The following REV3L variants were observed in gnomAD, a reference collection of about 807,000 sequenced individuals.
The protein encoded by REV3L is DNA polymerase zeta catalytic subunit.
Under a neutral mutation model 299.4 loss-of-function variants are expected in REV3L, and 69 were observed. The observed-to-expected ratio is 0.23, with a 90% CI of 0.19 to 0.28. The LOEUF (loss-of-function observed/expected upper bound fraction) is 0.28, where lower values mean the gene tolerates loss of function less well. Among genes scored for constraint, REV3L ranks in the 10% least tolerant of loss-of-function variants. REV3L has a pLI of 1.00. For synonymous variants in REV3L, 1,238 were observed against 1,271.4 expected (o/e 0.97, Z 0.56); for missense variants, 3,128 against 3,693.8 (o/e 0.85, Z 3.97).
intron 26 of REV3L, among the ~76,000 whole-genome samples, chr6:111,315,936 A>G (rs1773470608): frequency 6.6e-6 from 1 of 152,196 alleles, no homozygotes; most frequent in African/African-American, 2.4e-5. Flanking sequence ...CCCTGGTGCT[A>G]AAAAGGTTGG....
Position 111,358,966 on chromosome 6 carries a change from G to A in REV3L, c.6928C>T (p.Arg2310Ter). Reference protein sequence around the residue: ...ISVELHARTRRDLEPDPEFDP... With the variant: ...ISVELHARTR Reference sequence around the variant, plus strand: ...AATTCAGGATCCGGTTCTAAGTCTCGTCTAGTTCGAGCATGCAACTCCACA... The same window carrying A: ...AATTCAGGATCCGGTTCTAAGTCTCATCTAGTTCGAGCATGCAACTCCACA... Residue 2310 changes from arginine (R) to a stop codon, truncating the protein, a stop_gained, in exon 17 of 32, where the codon CGA becomes TGA. Transcript: ENST00000368802. LOFTEE classifies it high-confidence loss of function. 4 of 1,614,044 alleles carry A rather than the reference G, an allele frequency of 2.5e-6. No individual in the cohort carries two copies. Among genetic ancestry groups the A allele is most frequent in the Non-Finnish European group, 3.4e-6 (4 of 1,179,972 alleles).
intron 1 of REV3L, among the ~76,000 whole-genome samples, chr6:111,438,821 T>C (rs965839812): frequency 2.0e-5 from 3 of 152,088 alleles, no homozygotes; most frequent in Admixed American, 6.5e-5. Context: ...TGATAAATCA[T>C]AAAAATCCAA....
chr6:111,479,016 G>C (rs987879763), intron 1 of REV3L, among the ~76,000 whole-genome samples: 1 of 152,214 alleles, frequency 6.6e-6, no homozygotes, highest in Non-Finnish European at 1.5e-5. Context: ...TGAGGAAACT[G>C]TGAGAGCTGT....
intron 30 of REV3L, chr6:111,307,894 T>C (rs1249576553): frequency 1.3e-5 from 4 of 299,742 alleles, no homozygotes; most frequent in Non-Finnish European, 2.6e-5. Flanking sequence ...CATCAACTCA[T>C]CATTTACATT....
rs753074865 is a variant in REV3L, at chr6:111,372,707, G to T, written c.5648C>A (p.Ser1883Tyr). 1.4e-5 allele frequency: 23 copies of T among 1,608,252 alleles called. No individual in the cohort carries two copies. Among genetic ancestry groups the T allele is most frequent in the Admixed American group, 8.4e-5 (5 of 59,442 alleles). The change falls in exon 13 of 32, where the codon TCC (serine) becomes TAC (tyrosine). Residue 1883 changes from serine (S) to tyrosine (Y), a missense_variant. Physicochemically the swap from Ser to Tyr is moderately radical, Grantham distance 144. Around this residue, in one of 9 missense-constraint regions of REV3L, gnomAD observed 2,409 missense variants for 2,611.8 expected, o/e 0.92. Transcript: ENST00000368802. ...CATAATTTCTTCCCTACTTGGGGGGGACATAAGTGGTTTCAGAATGTTAGC... is the reference window on the plus strand; with the variant it reads ...CATAATTTCTTCCCTACTTGGGGGGTACATAAGTGGTTTCAGAATGTTAGC... ...RTANILKPLM[S>Y]PPSREEIMAT...
chr6:111,389,023 T>A (rs967941947), intron 7 of REV3L, 83 bp downstream of exon 7: 4 of 996,710 alleles, frequency 4.0e-6, no homozygotes, highest in Non-Finnish European at 4.6e-6. Flanking sequence ...TAAAATCTAA[T>A]GTCAAAGGAA....
At chr6:111,416,198 A>C in intron 2 of REV3L, 85 bp downstream of exon 2, 1 of 921,666 alleles carries the variant, frequency 1.1e-6, no homozygotes, top group South Asian at 3.0e-5. Context: ...AGTAAAAGAA[A>C]TAGAGTTTAT....
intron 1 of REV3L, among the ~76,000 whole-genome samples, chr6:111,421,020 C>T (rs1023217305): frequency 3.9e-5 from 6 of 151,950 alleles, no homozygotes; most frequent in African/African-American, 1.2e-4. Context: ...CCCAGACACT[C>T]GGGAGGCTGA....
At chr6:111,316,474 G>T (rs185477457) in intron 26 of REV3L, among the ~76,000 whole-genome samples, 5 of 151,756 alleles carry the variant, frequency 3.3e-5, no homozygotes, top group African/African-American at 4.8e-5. Context: ...GACCAGCCTG[G>T]CCAACATGGC....
chr6:111,307,778 CTTAATA>C (rs1475544472), intron 30 of REV3L: 2 of 556,082 alleles, frequency 3.6e-6, no homozygotes, highest in South Asian at 2.5e-5. Context: ...GAACTTACAT[CTTAATA>C]TTATCAGATA....
At position 111,357,110 on chromosome 6, in the gene REV3L, G is replaced by A. The variant is rs1396048678; in HGVS notation, c.7088C>T (p.Thr2363Ile). Residue 2363 changes from threonine (T) to isoleucine (I), a missense_variant, in exon 18 of 32, where the codon ACT (threonine) becomes ATT (isoleucine). This residue lies in a region of REV3L where 82 missense variants were observed against 142.7 expected (regional missense o/e 0.57). Coordinates refer to ENST00000368802, the MANE Select transcript of REV3L (RefSeq NM_001372078.1). ...AATTCCAGATCTAATAAGTAATGGA[G>A]TCTGATATCTGATATCTAAAAAACA... ...TVFSQDIRYQ[T>I]PLLIRSGITG... is the part of the protein sequence containing the mutation. The A allele has an allele frequency of 6.5e-7, 1 of 1,547,824 alleles. No individual in the cohort carries two copies. Among genetic ancestry groups the A allele is most frequent in the Non-Finnish European group, 8.8e-7 (1 of 1,139,736 alleles).
Position 111,335,567 on chromosome 6 carries a change from G to C in REV3L, c.7582C>G (p.Leu2528Val). Residue 2528 changes from leucine to valine, a missense_variant, in exon 22 of 32, where the codon CTC (leucine) becomes GTC (valine). Physicochemically the swap from Leu to Val is conservative, Grantham distance 32. Transcript: ENST00000368802. ...DHYVSRVRGNLQMLEQLDLIG... is the reference protein window; with the variant it reads ...DHYVSRVRGNVQMLEQLDLIG... ...AGGTCCAGCTGTTCTAACATTTGGAGATTTCCACGGACACGGCTAACATAA... is the reference window on the plus strand; with the variant it reads ...AGGTCCAGCTGTTCTAACATTTGGACATTTCCACGGACACGGCTAACATAA... 6.2e-7 allele frequency: 1 copy of C among 1,611,954 alleles called. No individual in the cohort carries two copies. The highest frequency in any genetic ancestry group is 8.5e-7 in the Non-Finnish European group (1 of 1,178,938).
intron 26 of REV3L, among the ~76,000 whole-genome samples, chr6:111,319,190 C>T (rs550783727): frequency 9.9e-5 from 15 of 152,146 alleles, no homozygotes; most frequent in African/African-American, 3.4e-4. Flanking sequence ...TGGCTGGGTG[C>T]GGTGGCTCAT....
chr6:111,453,174 C>A (rs1789754632), intron 1 of REV3L, among the ~76,000 whole-genome samples: 1 of 152,094 alleles, frequency 6.6e-6, no homozygotes, highest in South Asian at 2.1e-4. Context: ...TTTCTGGGCA[C>A]CATCCCAGAC....
intron 25 of REV3L, among the ~76,000 whole-genome samples, chr6:111,323,218 G>A (rs371004607): frequency 8.5e-5 from 13 of 152,178 alleles, no homozygotes; most frequent in East Asian, 7.7e-4. Context: ...TTGAACTCCT[G>A]ATTTCGTGAT....
intron 1 of REV3L, among the ~76,000 whole-genome samples, chr6:111,465,922 A>G (rs1240407139): frequency 6.6e-6 from 1 of 152,108 alleles, no homozygotes; most frequent in Non-Finnish European, 1.5e-5. Context: ...GATTTTAAGA[A>G]ATGAATTAGT....
Position 111,376,394 on chromosome 6 carries a change from G to T in REV3L, c.1961C>A (p.Ser654Tyr), listed in dbSNP as rs762778843. 8 of 1,613,144 alleles carry T rather than the reference G, an allele frequency of 5.0e-6. No homozygotes were observed. Among genetic ancestry groups the T allele is most frequent in the Non-Finnish European group, 6.8e-6 (8 of 1,179,682 alleles). The change falls in exon 13 of 32, where the codon TCC becomes TAC. Residue 654 changes from serine (S) to tyrosine (Y), a missense_variant. Around this residue, in one of 9 missense-constraint regions of REV3L, gnomAD observed 2,409 missense variants for 2,611.8 expected, o/e 0.92. Transcript: ENST00000368802. ...ATAATCAAAAATACTACTTTCACAG[G>T]AAGATACTGGGAGGATCTCTTTCTT... is the stretch of plus-strand genomic sequence containing the variant. ...NSKKEILPVS[S>Y]CESSIFDYEE...
chr6:111,389,228 C>T lies in REV3L; in HGVS notation c.758-18G>A. 6 of 1,558,306 alleles carry T rather than the reference C, an allele frequency of 3.9e-6. No individual in the cohort carries two copies. Among genetic ancestry groups the T allele is most frequent in the South Asian group, 1.1e-5 (1 of 88,910 alleles). ...AATTTGAGCTGTAATCACAATAATA[C>T]TTCAATACTACAGGGTCAAAGTAAG... On this transcript the variant is annotated intron_variant, in intron 6 of 31. Transcript: ENST00000368802.
intron 1 of REV3L, among the ~76,000 whole-genome samples, chr6:111,451,522 C>T (rs1167597350): frequency 2.0e-5 from 3 of 152,062 alleles, no homozygotes; most frequent in Non-Finnish European, 4.4e-5. Context: ...TGGGCAGATA[C>T]CAACTATAAC....
Sources: gnomAD v4.1 joint callset for allele counts (sites outside exome capture counted in the v4.1 genomes callset) on GRCh38, gnomAD v4.1.1 for gene constraint, gnomAD v4.1.1 regional missense constraint, MANE v1.5 for transcripts, NCBI Gene and HGNC (gene_info 2026-07-23, HGNC 2026-07-21) for gene names.